CD274: variants seen among roughly 807,000 people sequenced by gnomAD.
CD274 encodes CD274 molecule.
CD274 carries 8 observed loss-of-function variants against 30.1 expected under a neutral mutation model. That is an observed-to-expected ratio of 0.27 (90% CI 0.16 to 0.48). The LOEUF (loss-of-function observed/expected upper bound fraction) is 0.48. Ranked by LOEUF, CD274 falls within the 20% of genes least tolerant of loss-of-function variation. The pLI is 0.99. For missense variants in CD274, 353 were observed against 346.6 expected (o/e 1.02, Z -0.15); for synonymous variants, 152 against 124.6 (o/e 1.22, Z -1.46).
At position 5,467,924 on chromosome 9, in the gene CD274, C is replaced by T. The variant is rs1217609539; in HGVS notation, c.*62C>T. 11 of 1,408,934 alleles carry T rather than the reference C, an allele frequency of 7.8e-6. No homozygotes were observed. Among genetic ancestry groups the T allele is most frequent in the Admixed American group, 5.0e-5 (3 of 59,572 alleles). 87.3% of individuals were successfully genotyped at this position (1,408,934 alleles called of 1,614,324 possible). ...CTCAACCTGTGGTTTAGGGGTTCAT[C>T]GGGGCTGAGCGTGACAAGAGGAAGG... On this transcript the variant is annotated 3_prime_UTR_variant, in exon 7 of 7. Coordinates refer to ENST00000381577, the MANE Select transcript of CD274 (RefSeq NM_014143.4).
At chr9:5,460,945 G>T (rs1330877232) in intron 3 of CD274, among the ~76,000 whole-genome samples, 2 of 152,156 alleles carry the variant, frequency 1.3e-5, no homozygotes, top group Non-Finnish European at 2.9e-5. Context: ...AATGTTACCA[G>T]TTACATCTGG....
chr9:5,469,976 C>T lies in CD274; in HGVS notation c.*2114C>T, dbSNP rs1819562936. The stretch of plus-strand genomic sequence containing the variant: ...CAGTGTACCTTGACTGCTAGCTACC[C>T]TGTGCCAGAAAAGCCTCATTCGTTG... On this transcript the variant is annotated 3_prime_UTR_variant, in exon 7 of 7. Coordinates refer to ENST00000381577, the MANE Select transcript of CD274 (RefSeq NM_014143.4). 2 of 233,198 alleles carry T rather than the reference C, an allele frequency of 8.6e-6. No individual in the cohort carries two copies. Among genetic ancestry groups the T allele is most frequent in the Non-Finnish European group, 1.7e-5 (2 of 117,984 alleles). The allele number at this position is 233,198 out of a possible 1,614,324, so 14.4% of individuals were successfully genotyped here.
intron 3 of CD274, among the ~76,000 whole-genome samples, chr9:5,462,364 A>G (rs1253916233): frequency 6.6e-6 from 1 of 152,206 alleles, no homozygotes. Context: ...CCAAGAATAA[A>G]TTTAAGAAGA....
rs1248564499 is a variant in CD274, at chr9:5,466,841, A to T, written c.850+12A>T. 6.3e-7 allele frequency: 1 copy of T among 1,599,268 alleles called. No individual in the cohort carries two copies. On this transcript the variant is annotated intron_variant, in intron 6 of 6. Transcript: ENST00000381577. ...AAAGAAGCAAAGTGGTAAGAATATCAGAAGGAATTGGGAAGTAAAAGTCAA... is the reference window on the plus strand; with the variant it reads ...AAAGAAGCAAAGTGGTAAGAATATCTGAAGGAATTGGGAAGTAAAAGTCAA...
In CD274 at chr9:5,468,364, T is replaced by C. The variant is rs377388108; in HGVS notation, c.*502T>C. 12 of 235,446 alleles carry C rather than the reference T, an allele frequency of 5.1e-5. No individual in the cohort carries two copies. The highest frequency in any genetic ancestry group is 2.4e-4 in the African/African-American group (11 of 45,374). The allele number at this position is 235,446 out of a possible 1,614,324, so 14.6% of individuals were successfully genotyped here. A position where few individuals can be genotyped will look rare whatever the true frequency, so the allele number is the denominator to read the frequency against. ...AGGTCTTCTTGTCATGTGAGTGTGG[T>C]TGTGAATGATTTCTTTTGAAGATAT... is the stretch of plus-strand genomic sequence containing the variant. On this transcript the variant is annotated 3_prime_UTR_variant, in exon 7 of 7. Transcript: ENST00000381577.
At chr9:5,452,951 C>T (rs997037128) in intron 1 of CD274, among the ~76,000 whole-genome samples, 2 of 151,768 alleles carry the variant, frequency 1.3e-5, no homozygotes, top group Non-Finnish European at 2.9e-5. Context: ...GTTTATAATA[C>T]AATAATCATA....
chr9:5,451,091 C>A (rs779536792), intron 1 of CD274, among the ~76,000 whole-genome samples: 2 of 152,088 alleles, frequency 1.3e-5, no homozygotes, highest in Non-Finnish European at 2.9e-5. Flanking sequence ...CCAAAGGAGT[C>A]CTAAAAGAGG....
chr9:5,469,719 T>C lies in CD274; in HGVS notation c.*1857T>C, dbSNP rs563233568. 1 of 232,416 alleles carries C rather than the reference T, an allele frequency of 4.3e-6. No homozygotes were observed. Among genetic ancestry groups the C allele is most frequent in the East Asian group, 6.1e-5 (1 of 16,432 alleles). The allele number at this position is 232,416 out of a possible 1,614,324, so 14.4% of individuals were successfully genotyped here. ...TACATATACATTTAGACAACCACCA[T>C]TTGTTAAGTATTTGCTCTAGGACAG... is the stretch of plus-strand genomic sequence containing the variant. On this transcript the variant is annotated 3_prime_UTR_variant, in exon 7 of 7. Transcript: ENST00000381577.
At chr9:5,466,442 T>C (rs1025252489) in intron 5 of CD274, among the ~76,000 whole-genome samples, 1 of 152,158 alleles carries the variant, frequency 6.6e-6, no homozygotes, top group East Asian at 1.9e-4. Flanking sequence ...CCAGCATGCA[T>C]TTTGAATATT....
intron 3 of CD274, among the ~76,000 whole-genome samples, chr9:5,461,501 A>T (rs1311162110): frequency 6.6e-6 from 1 of 152,050 alleles, no homozygotes; most frequent in Non-Finnish European, 1.5e-5. Flanking sequence ...ATCACTCATT[A>T]TTTATTTCAG....
chr9:5,468,144 G>A lies in CD274; in HGVS notation c.*282G>A. 1 of 441,662 alleles carries A rather than the reference G, an allele frequency of 2.3e-6. No individual in the cohort carries two copies. The highest frequency in any genetic ancestry group is 5.8e-4 in the Middle Eastern group (1 of 1,716). 27.4% of individuals were successfully genotyped at this position (441,662 alleles called of 1,614,324 possible). A position where few individuals can be genotyped will look rare whatever the true frequency, so the allele number is the denominator to read the frequency against. On this transcript the variant is annotated 3_prime_UTR_variant, in exon 7 of 7. Coordinates refer to ENST00000381577, the MANE Select transcript of CD274 (RefSeq NM_014143.4). The stretch of plus-strand genomic sequence containing the variant: ...GGGAGAAAGGATACTTCTGAACAAG[G>A]AGCCTCCAAGCAAATCATCCATTGC...
At chr9:5,466,164 G>C (rs1277908308) in intron 5 of CD274, among the ~76,000 whole-genome samples, 2 of 152,162 alleles carry the variant, frequency 1.3e-5, no homozygotes, top group Non-Finnish European at 2.9e-5. Flanking sequence ...CCAATACTTA[G>C]AGAAGTATAC....
At chr9:5,455,753 T>A (rs1258243732) in intron 1 of CD274, among the ~76,000 whole-genome samples, 1 of 152,196 alleles carries the variant, frequency 6.6e-6, no homozygotes, top group South Asian at 2.1e-4. Flanking sequence ...CAGGTTCTAC[T>A]AGGTATGTTA....
intron 4 of CD274, among the ~76,000 whole-genome samples, chr9:5,465,114 G>T (rs146319769): frequency 4.6e-4 from 70 of 150,946 alleles, no homozygotes; most frequent in African/African-American, 1.6e-3. Flanking sequence ...GCAAGAGGAA[G>T]TGAAATAATC....
rs981554963 is a variant in CD274 at position 5,456,135 on chromosome 9, A to G, written c.22A>G (p.Ile8Val). 6.2e-7 allele frequency: 1 copy of G among 1,609,618 alleles called. No individual in the cohort carries two copies. Among genetic ancestry groups the G allele is most frequent in the Non-Finnish European group, 8.5e-7 (1 of 1,176,110 alleles). The change falls in exon 2 of 7, where the codon ATA becomes GTA. Residue 8 changes from isoleucine to valine, a missense_variant. Transcript: ENST00000381577. ...AAAGATGAGGATATTTGCTGTCTTT[A>G]TATTCATGACCTACTGGCATTTGCT... The part of the protein sequence containing the change: MRIFAVF[I>V]FMTYWHLLNA...
intron 6 of CD274, among the ~76,000 whole-genome samples, chr9:5,467,202 AAGAGAG>A (rs79234686): frequency 0.56 from 83,422 of 149,478 alleles, 23,665 homozygotes; most frequent in East Asian, 0.91. Context: ...GCCATTACCA[AAGAGAG>A]AGAGAGAGAG....
intron 3 of CD274, among the ~76,000 whole-genome samples, chr9:5,458,046 C>A (rs764541967): frequency 3.3e-5 from 5 of 152,160 alleles, no homozygotes; most frequent in Non-Finnish European, 4.4e-5. Flanking sequence ...ATAAGCCATA[C>A]TTACTGGGCA....
chr9:5,461,150 T>G (rs976821528), intron 3 of CD274, among the ~76,000 whole-genome samples: 4 of 152,160 alleles, frequency 2.6e-5, no homozygotes, highest in Non-Finnish European at 5.9e-5. Flanking sequence ...AGGTTTGTGT[T>G]TTTTTATATA....
At position 5,470,357 on chromosome 9, in the gene CD274, G is replaced by T. The variant is rs188250020; in HGVS notation, c.*2495G>T. 3.0e-5 allele frequency: 7 copies of T among 232,424 alleles called. No individual in the cohort carries two copies. The highest frequency in any genetic ancestry group is 1.1e-4 in the Admixed American group (2 of 17,760). 14.4% of individuals were successfully genotyped at this position (232,424 alleles called of 1,614,324 possible). A position where few individuals can be genotyped will look rare whatever the true frequency, so the allele number is the denominator to read the frequency against. On this transcript the variant is annotated 3_prime_UTR_variant, in exon 7 of 7. Coordinates refer to ENST00000381577, the MANE Select transcript of CD274 (RefSeq NM_014143.4). ...CCTCCTTGTGGTGTTGGATTTGTAA[G>T]GCACTTTATCCCTTTTGTCTCATGT...
Sources: gnomAD v4.1 joint callset for allele counts (sites outside exome capture counted in the v4.1 genomes callset) on GRCh38, gnomAD v4.1.1 for gene constraint, MANE v1.5 for transcripts, NCBI Gene and HGNC (gene_info 2026-07-23, HGNC 2026-07-21) for gene names.